Variants in ZIM2 observed in about 807,000 individuals in gnomAD.
ZIM2 encodes the protein zinc finger imprinted 2, also known as zinc finger protein 656.
Under a neutral mutation model 38.6 loss-of-function variants are expected in ZIM2, and 14 were observed. The observed-to-expected ratio is 0.36, with a 90% CI of 0.24 to 0.57. ZIM2 has a LOEUF of 0.57. ZIM2 is among the 20% of genes least tolerant of loss of function. ZIM2 has a pLI of 0.81. For synonymous variants in ZIM2, 247 were observed against 245.8 expected (o/e 1.00, Z -0.04); for missense variants, 680 against 695.1 (o/e 0.98, Z 0.24).
At chr19:56,838,346 T>C (rs1363786496) in intron 1 of ZIM2, among the ~76,000 whole-genome samples, 1 of 152,038 alleles carries the variant, frequency 6.6e-6, no homozygotes, top group Non-Finnish European at 1.5e-5. Context: ...GCCTGCGCAA[T>C]CAACCTCGGG....
intron 9 of ZIM2, among the ~76,000 whole-genome samples, chr19:56,803,612 C>T (rs2047627137): frequency 6.6e-6 from 1 of 152,204 alleles, no homozygotes; most frequent in African/African-American, 2.4e-5. Context: ...GCAGGTTAAA[C>T]TCTTAAACGT....
chr19:56,833,189 G>A lies in ZIM2; in HGVS notation c.-227+2829C>T, dbSNP rs781349465. ...GGCTCCCACATCCCATCTGATGCAG[G>A]AGAAAATCCACCGAGTCTCCTTCAG... On this transcript the variant is annotated intron_variant, in intron 2 of 12. Coordinates refer to ENST00000629319, the MANE Select transcript of ZIM2 (RefSeq NM_001387356.1). 8 of 516,288 alleles carry A rather than the reference G, an allele frequency of 1.5e-5. No homozygotes were observed. The East Asian group carries it at 3.8e-4, about 25-fold the overall frequency. The allele number at this position is 516,288 out of a possible 1,614,324, so 32.0% of individuals were successfully genotyped here.
In ZIM2 at chr19:56,814,177, G is replaced by C. The variant is rs56237501; in HGVS notation, c.490+3569C>G. ...TGCAGCCTCTCCATCTGGCCCTTCA[G>C]CCTCTCCGTTTGGCTCAGCAGCCTC... is the stretch of plus-strand genomic sequence containing the variant. On this transcript the variant is annotated intron_variant, in intron 9 of 12. Transcript: ENST00000629319. The surrounding 1 kb of genome is among the most constrained non-coding windows in gnomAD (Gnocchi z 5.8). 10,419 of 1,614,070 alleles carry C rather than the reference G, an allele frequency of 6.5e-3. 48 individuals carry two copies. Among genetic ancestry groups the C allele is most frequent in the Non-Finnish European group, 7.8e-3 (9,249 of 1,180,034 alleles).
chr19:56,837,776 A>G (rs1228185834), intron 1 of ZIM2, among the ~76,000 whole-genome samples: 1 of 152,204 alleles, frequency 6.6e-6, no homozygotes, highest in East Asian at 1.9e-4. Context: ...AGCCCCCTCC[A>G]ACAGCCCTGC....
At position 56,815,469 on chromosome 19, in the gene ZIM2, A is replaced by G. The variant is rs201923094; in HGVS notation, c.490+2277T>C. On this transcript the variant is annotated intron_variant, in intron 9 of 12. Coordinates refer to ENST00000629319, the MANE Select transcript of ZIM2 (RefSeq NM_001387356.1). The stretch of plus-strand genomic sequence containing the variant: ...TGCTTCCAGAGGGCTTCTCCCTATC[A>G]TGAATCTTCTGGTGCTCAGTGAGGT... 7 of 1,614,132 alleles carry G rather than the reference A, an allele frequency of 4.3e-6. No individual in the cohort carries two copies. In the East Asian group the frequency reaches 6.7e-5, roughly 15 times the overall value.
chr19:56,807,790 CAA>C (rs34097958), intron 9 of ZIM2, among the ~76,000 whole-genome samples: 2 of 138,842 alleles, frequency 1.4e-5, no homozygotes, highest in Admixed American at 7.2e-5. Flanking sequence ...GACCTTGTCT[CAA>C]AAAAAAAAAA....
At chr19:56,813,004 G>A in intron 9 of ZIM2, 1 of 985,670 alleles carries the variant, frequency 1.0e-6, no homozygotes, top group Non-Finnish European at 1.2e-6. Flanking sequence ...AGAAGCTAAA[G>A]TACTTATCTT....
intron 9 of ZIM2, chr19:56,813,667 C>T (rs911500358): frequency 2.5e-6 from 4 of 1,608,548 alleles, no homozygotes; most frequent in Admixed American, 1.7e-5. Flanking sequence ...AACCTTTACC[C>T]CATGCCCTCA....
At chr19:56,779,037 T>A (rs1040742939) in intron 12 of ZIM2, among the ~76,000 whole-genome samples, 3 of 151,924 alleles carry the variant, frequency 2.0e-5, no homozygotes, top group African/African-American at 7.3e-5. Context: ...TGAGGGAAAG[T>A]GGGAGGGCAG....
chr19:56,829,179 C>T (rs2061342928), intron 2 of ZIM2, among the ~76,000 whole-genome samples: 1 of 152,068 alleles, frequency 6.6e-6, no homozygotes, highest in South Asian at 2.1e-4. Context: ...GGTGAAACTC[C>T]ATCTCTACTA....
chr19:56,832,790 T>C (rs2061697661), intron 2 of ZIM2, among the ~76,000 whole-genome samples: 1 of 152,182 alleles, frequency 6.6e-6, no homozygotes, highest in Non-Finnish European at 1.5e-5. Flanking sequence ...TTCTTTACAC[T>C]AGATGTCTAA....
chr19:56,814,250 C>G lies in ZIM2; in HGVS notation c.490+3496G>C. 3 of 1,613,408 alleles carry G rather than the reference C, an allele frequency of 1.9e-6. No individual in the cohort carries two copies. Among genetic ancestry groups the G allele is most frequent in the Non-Finnish European group, 2.5e-6 (3 of 1,179,882 alleles). ...ACTTCTGGCTCGGCAGCCTCCACTTCTGGCTCAGCAGCCTCTACGTTTAAG... is the reference window on the plus strand; with the variant it reads ...ACTTCTGGCTCGGCAGCCTCCACTTGTGGCTCAGCAGCCTCTACGTTTAAG... On this transcript the variant is annotated intron_variant, in intron 9 of 12. Coordinates refer to ENST00000629319, the MANE Select transcript of ZIM2 (RefSeq NM_001387356.1). This position sits in a 1 kb window ranked among gnomAD's most constrained non-coding sequence, Gnocchi z 5.8.
chr19:56,822,303 T>C (rs1231843201), intron 6 of ZIM2, among the ~76,000 whole-genome samples: 1 of 152,214 alleles, frequency 6.6e-6, no homozygotes, highest in Non-Finnish European at 1.5e-5. Context: ...ACTGGTGTGA[T>C]GATTGATTCC....
chr19:56,836,332 A>G lies in ZIM2; in HGVS notation c.-313-228T>C, dbSNP rs144677333. Reference sequence around the variant, plus strand: ...GACTTTCTCCAACAAGGTTACATCAAAGGCATTCAAGTCAATTTCTGGGGT... The same window carrying G: ...GACTTTCTCCAACAAGGTTACATCAGAGGCATTCAAGTCAATTTCTGGGGT... On this transcript the variant is annotated intron_variant, in intron 1 of 12. Coordinates refer to ENST00000629319, the MANE Select transcript of ZIM2 (RefSeq NM_001387356.1). Among the ~76,000 whole-genome samples, 768 of 152,282 alleles carry G rather than the reference A, an allele frequency of 5.0e-3. 15 individuals carry two copies. Among genetic ancestry groups the G allele is most frequent in the Admixed American group, 0.026 (403 of 15,296 alleles).
intron 11 of ZIM2, among the ~76,000 whole-genome samples, chr19:56,780,270 T>G (rs1224178178): frequency 1.4e-5 from 2 of 146,194 alleles, no homozygotes; most frequent in African/African-American, 2.6e-5. Flanking sequence ...TGAGACAGAG[T>G]CTCACTCTGT....
At chr19:56,812,773 T>A in intron 9 of ZIM2, 1 of 984,436 alleles carries the variant, frequency 1.0e-6, no homozygotes, top group Non-Finnish European at 1.2e-6. Context: ...GGGAAAAGCT[T>A]CGGGTTTTAT....
rs116406221 is a variant in ZIM2, at chr19:56,821,281, T to G, written c.294+370A>C. Among the ~76,000 whole-genome samples, 317 of 152,298 alleles carry G rather than the reference T, an allele frequency of 2.1e-3. 2 individuals are homozygous for G. Among genetic ancestry groups the G allele is most frequent in the African/African-American group, 7.0e-3 (293 of 41,570 alleles). On this transcript the variant is annotated intron_variant, in intron 7 of 12. Transcript: ENST00000629319. ...CCAGCTCCTGTCAGCTCCAGAGCCT[T>G]TGTGCTCCCTGGCCAGTCTACTCTG...
rs559864922 is a variant in ZIM2 at position 56,802,680 on chromosome 19, C to G, written c.491-12729G>C. Among the ~76,000 whole-genome samples, 3 of 152,336 alleles carry G rather than the reference C, an allele frequency of 2.0e-5. No individual in the cohort carries two copies. The East Asian group carries it at 5.8e-4, about 29-fold the overall frequency. The stretch of plus-strand genomic sequence containing the variant: ...TCCACTGGCCACAGACTCTCAGCCT[C>G]TCTTCACTTTCAAATGGCAGGATCC... On this transcript the variant is annotated intron_variant, in intron 9 of 12. Coordinates refer to ENST00000629319, the MANE Select transcript of ZIM2 (RefSeq NM_001387356.1).
Position 56,789,896 on chromosome 19 carries a change from G to A in ZIM2, c.546C>T (p.Asp182=), listed in dbSNP as rs2046837928. The change falls in exon 10 of 13, where the codon GAC becomes GAT. Residue 182 remains aspartate, a synonymous_variant. Transcript: ENST00000629319. ...PAEKRNTEML[D]NLPSAGSQFP... ...CCTGGGACCCAGCAGATGGCAGATT[G>A]TCTAACATCTCTGTGTTCCTCTTTT... 6.3e-7 allele frequency: 1 copy of A among 1,581,420 alleles called. No individual in the cohort carries two copies. Among genetic ancestry groups the A allele is most frequent in the Non-Finnish European group, 8.6e-7 (1 of 1,157,550 alleles).
Sources: allele counts gnomAD v4.1 joint callset (sites outside exome capture counted in the v4.1 genomes callset), GRCh38; gene constraint gnomAD v4.1.1; non-coding constraint Gnocchi (gnomAD v3.1); transcripts MANE v1.5; gene names NCBI Gene and HGNC (gene_info 2026-07-23, HGNC 2026-07-21).